The following ABCB4 variants were observed in gnomAD, a reference collection of about 807,000 sequenced individuals.
The protein encoded by ABCB4 is ATP binding cassette subfamily B member 4, also known as phosphatidylcholine translocator ABCB4.
In ABCB4, 76 loss-of-function variants were observed where a neutral mutation model predicts 145.7. The observed-to-expected ratio is 0.52, with a 90% CI of 0.43 to 0.63. The LOEUF (loss-of-function observed/expected upper bound fraction) is 0.63, where lower values mean the gene tolerates loss of function less well. ABCB4 is among the 30% of genes least tolerant of loss of function. ABCB4 has a pLI of 0.00. For missense variants in ABCB4, 1,234 were observed against 1,553.1 expected (o/e 0.79, Z 3.45); for synonymous variants, 517 against 566.8 (o/e 0.91, Z 1.25).
chr7:87,422,280 T>C, intron 17 of ABCB4, 55 bp from the exon 18 acceptor site: 1 of 1,335,822 alleles, frequency 7.5e-7, no homozygotes, highest in Non-Finnish European at 1.1e-6. Context: ...TCCTTCTTCA[T>C]TCCTCTCATA....
chr7:87,466,946 T>A (rs1490990474), intron 3 of ABCB4, among the ~76,000 whole-genome samples: 2 of 152,130 alleles, frequency 1.3e-5, no homozygotes, highest in African/African-American at 4.8e-5. Flanking sequence ...TGCAAAAACA[T>A]ACCAAATTGT....
At chr7:87,422,247 GC>G in intron 17 of ABCB4, 22 bp from the exon 18 acceptor site, 1 of 1,565,074 alleles carries the variant, frequency 6.4e-7, no homozygotes, top group Non-Finnish European at 8.8e-7. Context: ...TATTTAAAAC[GC>G]CCACTTGGAT....
At chr7:87,393,055 T>G in the ABCB4 span, 3 of 1,613,204 alleles carry the variant, frequency 1.9e-6, no homozygotes, top group African/African-American at 1.3e-5. Flanking sequence ...TTCTACCATA[T>G]CAGAGATGAC....
At chr7:87,403,352 A>C in intron 26 of ABCB4, 71 bp from the exon 27 acceptor site, 1 of 1,412,602 alleles carries the variant, frequency 7.1e-7, no homozygotes, top group Non-Finnish European at 1.0e-6. Flanking sequence ...TATTTACAAG[A>C]AAAACATTTA....
chr7:87,447,075 G>C lies in ABCB4; in HGVS notation c.964C>G (p.Leu322Val). ...ATAGTATATTCTTTTGATATGACTAGAGTGGATCCATACCAGAAGGCCAGT... is the reference window on the plus strand; with the variant it reads ...ATAGTATATTCTTTTGATATGACTACAGTGGATCCATACCAGAAGGCCAGT... ...YALAFWYGST[L>V]VISKEYTIGN... Residue 322 changes from leucine (L) to valine (V), a missense_variant, in exon 9 of 28, where the codon CTA (leucine) becomes GTA (valine). Physicochemically the swap from Leu to Val is conservative, Grantham distance 32. This residue lies in a region of ABCB4 where 467 missense variants were observed against 632.8 expected (regional missense o/e 0.74). Transcript: ENST00000649586. The C allele has an allele frequency of 1.2e-6, 2 of 1,613,664 alleles. No individual in the cohort carries two copies. Among genetic ancestry groups the C allele is most frequent in the Non-Finnish European group, 8.5e-7 (1 of 1,179,640 alleles).
At chr7:87,392,589 G>A in the ABCB4 span, 1 of 1,613,414 alleles carries the variant, frequency 6.2e-7, no homozygotes. Flanking sequence ...AGCAAAAGAT[G>A]TTACAAGCTT....
intron 11 of ABCB4, 85 bp from the exon 12 acceptor site, chr7:87,443,529 A>T: frequency 1.3e-6 from 2 of 1,583,190 alleles, no homozygotes; most frequent in Non-Finnish European, 8.6e-7. Context: ...AATTTGAAAA[A>T]AAAGTATCAA....
At position 87,447,072 on chromosome 7, in the gene ABCB4, C is replaced by G. The variant is rs372710167; in HGVS notation, c.967G>C (p.Val323Leu). 6.2e-7 allele frequency: 1 copy of G among 1,613,486 alleles called. No homozygotes were observed. ...ALAFWYGSTL[V>L]ISKEYTIGNA... ...CCAATAGTATATTCTTTTGATATGA[C>G]TAGAGTGGATCCATACCAGAAGGCC... The change falls in exon 9 of 28, where the codon GTC becomes CTC. Residue 323 changes from valine to leucine, a missense_variant. Val to Leu is a conservative substitution (Grantham distance 32). Transcript: ENST00000649586.
chr7:87,385,724 A>C, the ABCB4 span, among the ~76,000 whole-genome samples: 12 of 152,316 alleles, frequency 7.9e-5, no homozygotes, highest in South Asian at 2.5e-3. Context: ...GTTGCATAAA[A>C]GTGGTGAAAG....
intron 3 of ABCB4, among the ~76,000 whole-genome samples, chr7:87,463,408 G>A (rs1194266529): frequency 6.6e-6 from 1 of 152,194 alleles, no homozygotes; most frequent in Admixed American, 6.5e-5. Flanking sequence ...ACTCAGTAGT[G>A]AAGCACAATA....
the ABCB4 span, among the ~76,000 whole-genome samples, chr7:87,392,045 G>A: frequency 3.7e-4 from 56 of 152,306 alleles, no homozygotes; most frequent in Non-Finnish European, 7.2e-4. Flanking sequence ...TTTTCTTGAT[G>A]TGGTTGAATG....
intron 23 of ABCB4, 87 bp from the exon 24 acceptor site, chr7:87,409,479 A>T: frequency 7.2e-7 from 1 of 1,380,818 alleles, no homozygotes; most frequent in South Asian, 1.2e-5. Flanking sequence ...GCTTACCAGT[A>T]TTTTTTCCCT....
At chr7:87,423,110 A>G (rs1809565629) in intron 17 of ABCB4, among the ~76,000 whole-genome samples, 1 of 152,212 alleles carries the variant, frequency 6.6e-6, no homozygotes, top group African/African-American at 2.4e-5. Flanking sequence ...AACATCACAA[A>G]AATAATAAAC....
chr7:87,463,673 G>C (rs1281571601), intron 3 of ABCB4, among the ~76,000 whole-genome samples: 1 of 152,130 alleles, frequency 6.6e-6, no homozygotes, highest in Non-Finnish European at 1.5e-5. Flanking sequence ...AATTCCTGAA[G>C]GGCACAGTAC....
intron 12 of ABCB4, 139 bp downstream of exon 12, chr7:87,443,177 GGCA>G: frequency 9.7e-7 from 1 of 1,028,296 alleles, no homozygotes; most frequent in Admixed American, 1.7e-5. Flanking sequence ...AGGGTGTGAA[GGCA>G]TTATCCATCG....
intron 16 of ABCB4, among the ~76,000 whole-genome samples, chr7:87,426,315 C>T (rs1487694770): frequency 2.6e-5 from 4 of 152,220 alleles, no homozygotes; most frequent in South Asian, 4.2e-4. Flanking sequence ...TTTTTCACCT[C>T]TAAGATTTTG....
At chr7:87,475,258 C>T (rs1187493627) in intron 2 of ABCB4, 128 bp downstream of exon 2, 5 of 1,119,650 alleles carry the variant, frequency 4.5e-6, no homozygotes, top group South Asian at 2.5e-5. Flanking sequence ...ATGCAAGACC[C>T]TTCAAAGAAG....
chr7:87,374,237 AT>A, the ABCB4 span, among the ~76,000 whole-genome samples: 1 of 152,136 alleles, frequency 6.6e-6, no homozygotes, highest in Non-Finnish European at 1.5e-5. Context: ...AAGAGGGATT[AT>A]CTTGTTACCA....
the ABCB4 span, chr7:87,392,796 T>A: frequency 9.3e-6 from 15 of 1,613,750 alleles, no homozygotes; most frequent in Non-Finnish European, 1.3e-5. Flanking sequence ...GTTCCAGAAC[T>A]CTTTACGGAC....
Sources: allele counts gnomAD v4.1 joint callset (sites outside exome capture counted in the v4.1 genomes callset), GRCh38; gene constraint gnomAD v4.1.1; regional missense constraint gnomAD v4.1.1; transcripts MANE v1.5; gene names NCBI Gene and HGNC (gene_info 2026-07-23, HGNC 2026-07-21).